ANKRD6: variants seen among roughly 807,000 people sequenced by gnomAD.
ANKRD6 encodes the protein ankyrin repeat domain-containing protein 6.
In ANKRD6, 56 loss-of-function variants were observed where a neutral mutation model predicts 82.3. That is an observed-to-expected ratio of 0.68 (90% CI 0.55 to 0.85). The LOEUF (loss-of-function observed/expected upper bound fraction) is 0.85, where lower values mean the gene tolerates loss of function less well. ANKRD6 is among the 40% of genes least tolerant of loss of function. The pLI is 0.00. For missense variants in ANKRD6, 852 were observed against 907.6 expected, an observed-to-expected ratio of 0.94 and a Z score of 0.79; for synonymous variants, 347 against 352.1, an observed-to-expected ratio of 0.99 and a Z score of 0.16.
At chr6:89,517,190 C>G (rs899308259) in intron 1 of ANKRD6, among the ~76,000 whole-genome samples, 7 of 152,150 alleles carry the variant, frequency 4.6e-5, no homozygotes, top group Non-Finnish European at 8.8e-5. Context: ...TTTAAGCCAC[C>G]ATGTTTGTGT....
At chr6:89,520,343 G>A (rs1562706751) in intron 1 of ANKRD6, among the ~76,000 whole-genome samples, 1 of 152,140 alleles carries the variant, frequency 6.6e-6, no homozygotes, top group Non-Finnish European at 1.5e-5. Context: ...CAGTTACATA[G>A]CCTCCTATAT....
intron 5 of ANKRD6, 47 bp from the exon 6 acceptor site, chr6:89,612,225 G>A (rs1248860218): frequency 4.6e-6 from 7 of 1,512,746 alleles, no homozygotes; most frequent in African/African-American, 1.4e-5. Context: ...AAGTCTGTGC[G>A]GAAGCATGTT....
At position 89,578,281 on chromosome 6, in the gene ANKRD6, G is replaced by A. The variant is rs975963050; in HGVS notation, c.120+11185G>A. On this transcript the variant is annotated intron_variant, in intron 2 of 15. Coordinates refer to ENST00000339746, the MANE Select transcript of ANKRD6 (RefSeq NM_001242809.2). ...AGACGATTAGCTTTTTCCCCCTCCC[G>A]CCTCCTTTTTTTTTTTTTTTTTTTT... Among the ~76,000 whole-genome samples the A allele has an allele frequency of 1.3e-4, 15 of 118,034 alleles. 2 individuals are homozygous for A. Among genetic ancestry groups the A allele is most frequent in the African/African-American group, 4.2e-4 (13 of 31,286 alleles). 77.4% of individuals were successfully genotyped at this position (118,034 alleles called of 152,430 possible).
chr6:89,625,396 T>C (rs1465868386), intron 13 of ANKRD6, among the ~76,000 whole-genome samples: 19 of 152,374 alleles, frequency 1.2e-4, no homozygotes, highest in Non-Finnish European at 2.9e-5. Flanking sequence ...AGAATAATTA[T>C]GTATTTTTTT....
intron 1 of ANKRD6, among the ~76,000 whole-genome samples, chr6:89,455,929 A>G (rs1274064079): frequency 2.6e-5 from 4 of 151,278 alleles, no homozygotes; most frequent in African/African-American, 7.3e-5. Context: ...CAGGCTCTGC[A>G]GTGGTGCAAT....
intron 1 of ANKRD6, among the ~76,000 whole-genome samples, chr6:89,477,777 A>G (rs948218096): frequency 6.6e-6 from 1 of 151,896 alleles, no homozygotes; most frequent in Non-Finnish European, 1.5e-5. Context: ...TCTCAAAAAA[A>G]AAAAAAAAAA....
rs563083549 is a variant in ANKRD6, at chr6:89,622,045, G to A, written c.897+19G>A. ...AAGCAAGGTGGGGGGCAGTCCTCCCGCCGTCCCCACATCCACCCATGCTCA... is the reference window on the plus strand; with the variant it reads ...AAGCAAGGTGGGGGGCAGTCCTCCCACCGTCCCCACATCCACCCATGCTCA... On this transcript the variant is annotated intron_variant, in intron 10 of 15. Coordinates refer to ENST00000339746, the MANE Select transcript of ANKRD6 (RefSeq NM_001242809.2). 7 of 1,604,010 alleles carry A rather than the reference G, an allele frequency of 4.4e-6. No individual in the cohort carries two copies. Among genetic ancestry groups the A allele is most frequent in the East Asian group, 4.5e-5 (2 of 44,792 alleles).
intron 1 of ANKRD6, among the ~76,000 whole-genome samples, chr6:89,524,312 C>T (rs947944947): frequency 4.6e-5 from 7 of 152,106 alleles, no homozygotes; most frequent in Non-Finnish European, 1.0e-4. Context: ...CTCCCACCTT[C>T]CCCTGAGTCC....
chr6:89,597,914 T>G (rs914814359), intron 3 of ANKRD6, among the ~76,000 whole-genome samples: 2 of 152,220 alleles, frequency 1.3e-5, no homozygotes, highest in Non-Finnish European at 2.9e-5. Context: ...ATGCTGTTGA[T>G]GACCAGCCTT....
chr6:89,615,380 A>G (rs1030654569), intron 7 of ANKRD6, among the ~76,000 whole-genome samples: 1 of 152,172 alleles, frequency 6.6e-6, no homozygotes, highest in Admixed American at 6.5e-5. Flanking sequence ...ATCAAGTAGC[A>G]CGGCCTCCCC....
intron 1 of ANKRD6, among the ~76,000 whole-genome samples, chr6:89,441,633 T>C (rs1771402243): frequency 7.0e-6 from 1 of 142,664 alleles, no homozygotes; most frequent in African/African-American, 2.6e-5. Flanking sequence ...TTTTTTTTTT[T>C]TTTTTTTTTT....
intron 1 of ANKRD6, among the ~76,000 whole-genome samples, chr6:89,491,605 A>G (rs1289710259): frequency 6.8e-6 from 1 of 146,164 alleles, no homozygotes; most frequent in African/African-American, 2.5e-5. Flanking sequence ...ACTTGGACAC[A>G]GGAAGGGGAA....
intron 5 of ANKRD6, among the ~76,000 whole-genome samples, chr6:89,611,508 G>T (rs1489851895): frequency 6.6e-6 from 1 of 151,940 alleles, no homozygotes; most frequent in Non-Finnish European, 1.5e-5. Flanking sequence ...CAAAAGTTCT[G>T]TTCATGTCCT....
At chr6:89,527,874 A>T (rs1031708216) in intron 1 of ANKRD6, among the ~76,000 whole-genome samples, 2 of 152,146 alleles carry the variant, frequency 1.3e-5, no homozygotes, top group Non-Finnish European at 2.9e-5. Context: ...TAATAGCGCA[A>T]TCACAGCTCA....
intron 1 of ANKRD6, among the ~76,000 whole-genome samples, chr6:89,492,704 A>G (rs1326526872): frequency 6.6e-6 from 1 of 152,200 alleles, no homozygotes; most frequent in Non-Finnish European, 1.5e-5. Flanking sequence ...AAGCCAGGTG[A>G]AGAGGTTCGT....
intron 13 of ANKRD6, among the ~76,000 whole-genome samples, chr6:89,625,972 C>T (rs932389300): frequency 2.0e-5 from 3 of 152,068 alleles, no homozygotes; most frequent in African/African-American, 7.2e-5. Flanking sequence ...TGGGCTCAAG[C>T]GCCTCGCCTG....
At chr6:89,506,557 C>T (rs1393371190) in intron 1 of ANKRD6, among the ~76,000 whole-genome samples, 4 of 152,152 alleles carry the variant, frequency 2.6e-5, no homozygotes, top group Non-Finnish European at 5.9e-5. Flanking sequence ...TCAAGCGATC[C>T]GCCCTCCTTG....
chr6:89,618,059 C>A (rs1418318869), intron 9 of ANKRD6, 28 bp downstream of exon 9: 4 of 1,611,526 alleles, frequency 2.5e-6, no homozygotes, highest in Admixed American at 1.7e-5. Context: ...TTCCATGGTA[C>A]TGATTATGCG....
At chr6:89,601,914 C>G (rs2026650) in intron 3 of ANKRD6, 99,183 of 151,984 alleles carry the variant, frequency 0.65, 34,714 homozygotes, top group Non-Finnish European at 0.79. Context: ...GGCCAAGCAC[C>G]AGGGACGCCC....
Sources: allele counts gnomAD v4.1 joint callset (sites outside exome capture counted in the v4.1 genomes callset), GRCh38; gene constraint gnomAD v4.1.1; transcripts MANE v1.5; gene names NCBI Gene and HGNC (gene_info 2026-07-23, HGNC 2026-07-21).